The following CTNNA3 variants were observed in gnomAD, a reference collection of about 807,000 sequenced individuals.
The protein encoded by CTNNA3 is catenin alpha-3.
Under a neutral mutation model 95.7 loss-of-function variants are expected in CTNNA3, and 76 were observed. The observed-to-expected ratio is 0.79, with a 90% CI of 0.66 to 0.96. The LOEUF is 0.96. CTNNA3 is among the 40% of genes least tolerant of loss of function. CTNNA3 has a pLI of 0.00. For missense variants in CTNNA3, 1,191 were observed against 1,089.8 expected, an observed-to-expected ratio of 1.09 and a Z score of -1.31; for synonymous variants, 431 against 374.4, an observed-to-expected ratio of 1.15 and a Z score of -1.74.
chr10:67,488,061 T>C (rs1265917369), intron 5 of CTNNA3, among the ~76,000 whole-genome samples: 2 of 152,152 alleles, frequency 1.3e-5, no homozygotes, highest in Non-Finnish European at 2.9e-5. Context: ...GGGAGGTAGA[T>C]GTTAAGAAAT....
chr10:66,362,216 C>A (rs1436585550), intron 12 of CTNNA3, among the ~76,000 whole-genome samples: 1 of 150,824 alleles, frequency 6.6e-6, no homozygotes, highest in African/African-American at 2.4e-5. Flanking sequence ...GATTTTCCTG[C>A]CTCAGCCTCC....
intron 7 of CTNNA3, among the ~76,000 whole-genome samples, chr10:66,898,269 A>G (rs1276822337): frequency 6.6e-6 from 1 of 152,266 alleles, no homozygotes; most frequent in East Asian, 1.9e-4. Flanking sequence ...ACAAAATGTG[A>G]CTCAATATAA....
intron 13 of CTNNA3, among the ~76,000 whole-genome samples, chr10:66,230,590 G>A (rs749508030): frequency 6.6e-6 from 1 of 152,130 alleles, no homozygotes; most frequent in Non-Finnish European, 1.5e-5. Context: ...AGCCCACAGA[G>A]GTGCACAGTC....
intron 7 of CTNNA3, among the ~76,000 whole-genome samples, chr10:66,951,219 GA>G (rs764088799): frequency 2.6e-5 from 4 of 151,516 alleles, no homozygotes; most frequent in Non-Finnish European, 5.9e-5. Flanking sequence ...GGGTTCAAGC[GA>G]TTCTCCTGCC....
intron 4 of CTNNA3, among the ~76,000 whole-genome samples, chr10:67,528,428 C>T (rs1028275009): frequency 6.6e-6 from 1 of 152,078 alleles, no homozygotes; most frequent in African/African-American, 2.4e-5. Context: ...CCTACCTCTC[C>T]AGCTTCAACT....
At chr10:67,040,809 C>G (rs1413304551) in intron 7 of CTNNA3, among the ~76,000 whole-genome samples, 2 of 152,060 alleles carry the variant, frequency 1.3e-5, no homozygotes, top group African/African-American at 2.4e-5. Context: ...AATTATACCA[C>G]ATGATGTTAA....
At chr10:67,385,792 G>A (rs980928617) in intron 5 of CTNNA3, among the ~76,000 whole-genome samples, 4 of 151,226 alleles carry the variant, frequency 2.6e-5, no homozygotes, top group Non-Finnish European at 5.9e-5. Flanking sequence ...TTGGCAGCCA[G>A]TGTGGTCCCA....
chr10:65,929,333 T>C (rs1670134), intron 17 of CTNNA3, among the ~76,000 whole-genome samples: 22,975 of 152,104 alleles, frequency 0.15, 2,161 homozygotes, highest in South Asian at 0.22. Context: ...GGCCCAAGAA[T>C]AAAACATCAG....
intron 7 of CTNNA3, among the ~76,000 whole-genome samples, chr10:67,003,356 T>C (rs1482597195): frequency 6.6e-6 from 1 of 152,184 alleles, no homozygotes; most frequent in African/African-American, 2.4e-5. Flanking sequence ...TAAAAAGAGC[T>C]TCACATACTG....
intron 5 of CTNNA3, among the ~76,000 whole-genome samples, chr10:67,293,243 G>T (rs562291676): frequency 1.4e-4 from 22 of 152,238 alleles, no homozygotes; most frequent in African/African-American, 5.1e-4. Flanking sequence ...GGTCCTCTTA[G>T]AAGGTAGTTG....
At chr10:66,240,690 G>C (rs530712368) in intron 13 of CTNNA3, among the ~76,000 whole-genome samples, 19 of 152,092 alleles carry the variant, frequency 1.2e-4, no homozygotes, top group African/African-American at 4.6e-4. Flanking sequence ...AACTGAAAAT[G>C]TTGCTTAAAA....
intron 1 of CTNNA3, among the ~76,000 whole-genome samples, chr10:67,707,123 AC>A (rs1220370362): frequency 1.3e-5 from 2 of 152,068 alleles, no homozygotes; most frequent in East Asian, 3.9e-4. Context: ...TAGCTCTCCT[AC>A]CCTGACTATT....
At chr10:66,657,501 T>C (rs1178391776) in intron 9 of CTNNA3, among the ~76,000 whole-genome samples, 1 of 152,238 alleles carries the variant, frequency 6.6e-6, no homozygotes. Context: ...GCTTACACCA[T>C]CCAATCTGAA....
chr10:66,869,245 G>C (rs555247153), intron 7 of CTNNA3, among the ~76,000 whole-genome samples: 9 of 152,268 alleles, frequency 5.9e-5, no homozygotes, highest in Non-Finnish European at 7.4e-5. Flanking sequence ...GAGATGGCAA[G>C]AGAAACTGCA....
chr10:66,841,834 A>C (rs1462654406), intron 7 of CTNNA3, among the ~76,000 whole-genome samples: 2 of 152,206 alleles, frequency 1.3e-5, no homozygotes, highest in Non-Finnish European at 2.9e-5. Context: ...AACAAATATA[A>C]AGTATACTAA....
intron 9 of CTNNA3, among the ~76,000 whole-genome samples, chr10:66,698,170 T>C (rs1045791243): frequency 6.6e-6 from 1 of 152,150 alleles, no homozygotes; most frequent in African/African-American, 2.4e-5. Context: ...CAGATGCACA[T>C]ATGTTCTTAA....
intron 7 of CTNNA3, among the ~76,000 whole-genome samples, chr10:67,131,710 A>T (rs1402122400): frequency 6.6e-6 from 1 of 152,096 alleles, no homozygotes; most frequent in African/African-American, 2.4e-5. Flanking sequence ...AAAATTATTT[A>T]AAAATAACCC....
At chr10:66,590,040 G>A (rs1449882976) in intron 10 of CTNNA3, among the ~76,000 whole-genome samples, 1 of 152,056 alleles carries the variant, frequency 6.6e-6, no homozygotes, top group Non-Finnish European at 1.5e-5. Context: ...CCTAAAATAT[G>A]TTTAGATAAT....
chr10:67,385,970 G>A (rs1345229850), intron 5 of CTNNA3, among the ~76,000 whole-genome samples: 1 of 152,030 alleles, frequency 6.6e-6, no homozygotes, highest in Non-Finnish European at 1.5e-5. Flanking sequence ...GTGCAGTAAA[G>A]GGACATTTAA....
Sources: gnomAD v4.1 joint callset for allele counts (sites outside exome capture counted in the v4.1 genomes callset) on GRCh38, gnomAD v4.1.1 for gene constraint, MANE v1.5 for transcripts, NCBI Gene and HGNC (gene_info 2026-07-23, HGNC 2026-07-21) for gene names.